PHF20: variants seen among roughly 807,000 people sequenced by gnomAD.
The protein encoded by PHF20 is PHD finger protein 20, also known as glioma-expressed antigen 2.
In PHF20, 23 loss-of-function variants were observed where a neutral mutation model predicts 113.5. The observed-to-expected ratio is 0.20, with a 90% CI of 0.15 to 0.29. The LOEUF (loss-of-function observed/expected upper bound fraction) is 0.29, where lower values mean the gene tolerates loss of function less well. Ranked by LOEUF, PHF20 falls within the 10% of genes least tolerant of loss-of-function variation. The pLI, the probability that PHF20 is intolerant of heterozygous loss-of-function variation, is 1.00. For missense variants in PHF20, 943 were observed against 1,219.6 expected (o/e 0.77, Z 3.38); for synonymous variants, 434 against 457.3 (o/e 0.95, Z 0.65).
In PHF20 at chr20:35,939,031, C is replaced by G. The variant is rs767931825; in HGVS notation, c.2635C>G (p.Leu879Val). The G allele has an allele frequency of 1.2e-6, 2 of 1,614,054 alleles. No individual in the cohort carries two copies. The highest frequency in any genetic ancestry group is 1.7e-6 in the Non-Finnish European group (2 of 1,180,038). Reference protein sequence around the residue: ...NPLHENGDDSLSPRLGWPLDQ... With the variant: ...NPLHENGDDSVSPRLGWPLDQ... The stretch of plus-strand genomic sequence containing the variant: ...CCTCCATGAGAACGGCGATGATTCC[C>G]TTTCCCCGCGCCTGGGCTGGCCTCT... Residue 879 changes from leucine to valine, a missense_variant, in exon 16 of 18, where the codon CTT becomes GTT. Around this residue, in one of 3 missense-constraint regions of PHF20, gnomAD observed 349 missense variants for 412.3 expected, o/e 0.85. Coordinates refer to ENST00000374012, the MANE Select transcript of PHF20 (RefSeq NM_016436.5).
intron 17 of PHF20, among the ~76,000 whole-genome samples, chr20:35,945,639 A>G (rs1313089291): frequency 6.6e-6 from 1 of 152,056 alleles, no homozygotes; most frequent in African/African-American, 2.4e-5. Context: ...TGGTGCATGG[A>G]CTAGAAAGGC....
intron 4 of PHF20, among the ~76,000 whole-genome samples, chr20:35,857,784 C>T (rs1193975799): frequency 1.3e-5 from 2 of 151,894 alleles, no homozygotes; most frequent in Admixed American, 1.3e-4. Flanking sequence ...ACAGGTTTCA[C>T]TATGTTGGCC....
At position 35,814,885 on chromosome 20, in the gene PHF20, A is replaced by T. The variant is rs1193390353; in HGVS notation, c.83+13280A>T. On this transcript the variant is annotated intron_variant, in intron 2 of 17. Transcript: ENST00000374012. ...GAGACTCCGTCTCAAAAAAAAAAAA[A>T]AAAAATAAAATAAATAAATAAATAA... 2.9e-4 allele frequency among the ~76,000 whole-genome samples: 41 copies of T among 142,300 alleles called. 1 individual carries two copies. Among genetic ancestry groups the T allele is most frequent in the South Asian group, 1.3e-3 (6 of 4,710 alleles). 93.4% of individuals were successfully genotyped at this position (142,300 alleles called of 152,430 possible).
At chr20:35,817,288 G>A (rs2042092797) in intron 2 of PHF20, among the ~76,000 whole-genome samples, 1 of 152,024 alleles carries the variant, frequency 6.6e-6, no homozygotes, top group Non-Finnish European at 1.5e-5. Flanking sequence ...CTGGGTTCAA[G>A]AGATTCTCTT....
rs150122625 is a variant in PHF20 at position 35,897,559 on chromosome 20, C to CTT, written c.1283-1789_1283-1788dup. On this transcript the variant is annotated intron_variant, in intron 9 of 17. Coordinates refer to ENST00000374012, the MANE Select transcript of PHF20 (RefSeq NM_016436.5). Reference sequence around the variant, plus strand: ...AACTTATTCCTCCTATTCTGGATCCCTTTTTTTTTTTTTTTTTTTTTTTCT... The same window carrying CTT: ...AACTTATTCCTCCTATTCTGGATCCCTTTTTTTTTTTTTTTTTTTTTTTTTCT... Among the ~76,000 whole-genome samples, 1,020 of 107,678 alleles carry CTT rather than the reference C, an allele frequency of 9.5e-3. 33 individuals carry two copies. Among genetic ancestry groups the CTT allele is most frequent in the African/African-American group, 0.028 (721 of 25,458 alleles). The allele number at this position is 107,678 out of a possible 152,430, so 70.6% of individuals were successfully genotyped here. A position where few individuals can be genotyped will look rare whatever the true frequency, so the allele number is the denominator to read the frequency against.
Position 35,938,716 on chromosome 20 carries a change from C to G in PHF20, c.2320C>G (p.Leu774Val). The G allele has an allele frequency of 6.2e-7, 1 of 1,610,792 alleles. No individual in the cohort carries two copies. Among genetic ancestry groups the G allele is most frequent in the Non-Finnish European group, 8.5e-7 (1 of 1,178,288 alleles). Residue 774 changes from leucine (L) to valine (V), a missense_variant, in exon 16 of 18, where the codon CTG (leucine) becomes GTG (valine). Coordinates refer to ENST00000374012, the MANE Select transcript of PHF20 (RefSeq NM_016436.5). ...CAACAGAAGCCGGGAGCATCCTGAT[C>G]TGCCGCTGTGGTGCCAGCCTTGGAA... The part of the protein sequence containing the change: ...SILQSREHPD[L>V]PLWCQPWKQH...
At position 35,941,052 on chromosome 20, in the gene PHF20, G is replaced by A. The variant is rs1271302909; in HGVS notation, c.2896+5G>A. ...CCATTGAGAAGGAGTTGGATGGTAG[G>A]GCTCCTTCATTGGCCCCCTGTGCAT... On this transcript the variant is annotated splice_donor_5th_base_variant and intron_variant, in intron 17 of 17. Coordinates refer to ENST00000374012, the MANE Select transcript of PHF20 (RefSeq NM_016436.5). The A allele has an allele frequency of 1.9e-6, 3 of 1,609,606 alleles. No homozygotes were observed. The East Asian group carries it at 6.7e-5, about 36-fold the overall frequency.
In PHF20 at chr20:35,940,906, C is replaced by A. The variant is rs764611258; in HGVS notation, c.2755C>A (p.Pro919Thr). 1 of 1,614,078 alleles carries A rather than the reference C, an allele frequency of 6.2e-7. No individual in the cohort carries two copies. The highest frequency in any genetic ancestry group is 1.1e-5 in the South Asian group (1 of 91,086). ...VSKKALPEEA[P>T]ARKLLDRGGE... ...CAAAAAGGCCCTACCAGAAGAAGCC[C>A]CTGCTCGGAAGCTGCTGGACAGAGG... Residue 919 changes from proline to threonine, a missense_variant, in exon 17 of 18, where the codon CCT (proline) becomes ACT (threonine). Coordinates refer to ENST00000374012, the MANE Select transcript of PHF20 (RefSeq NM_016436.5).
intron 13 of PHF20, among the ~76,000 whole-genome samples, chr20:35,923,072 A>G (rs2056014953): frequency 6.6e-6 from 1 of 152,218 alleles, no homozygotes; most frequent in African/African-American, 2.4e-5. Flanking sequence ...ATGAGATTGT[A>G]CCACTGCACT....
At chr20:35,850,927 A>C in intron 4 of PHF20, 1 of 612,132 alleles carries the variant, frequency 1.6e-6, no homozygotes, top group South Asian at 1.6e-5. Context: ...GTGAAGGTGA[A>C]GATAGAACTG....
intron 1 of PHF20, among the ~76,000 whole-genome samples, chr20:35,793,973 C>G (rs542206663): frequency 8.6e-6 from 1 of 115,666 alleles, no homozygotes; most frequent in African/African-American, 3.5e-5. Context: ...CTGGGCTGGG[C>G]GACAAGAGCG....
At chr20:35,805,354 T>TTATTA (rs776924388) in intron 2 of PHF20, among the ~76,000 whole-genome samples, 99 of 125,192 alleles carry the variant, frequency 7.9e-4, no homozygotes, top group African/African-American at 2.2e-3. Context: ...CGCCTGATTT[T>TTATTA]TTATTATTAT....
At chr20:35,854,061 A>T (rs1568656122) in intron 4 of PHF20, among the ~76,000 whole-genome samples, 1 of 151,936 alleles carries the variant, frequency 6.6e-6, no homozygotes, top group African/African-American at 2.4e-5. Flanking sequence ...GCCGATGAAG[A>T]CCCTGTTTCT....
At chr20:35,923,663 A>G (rs1455082434) in intron 13 of PHF20, among the ~76,000 whole-genome samples, 1 of 152,212 alleles carries the variant, frequency 6.6e-6, no homozygotes, top group Non-Finnish European at 1.5e-5. Flanking sequence ...GAAACATTCT[A>G]TGGCTAAACA....
At chr20:35,937,972 C>T (rs530979114) in intron 15 of PHF20, among the ~76,000 whole-genome samples, 22 of 151,962 alleles carry the variant, frequency 1.4e-4, no homozygotes, top group Admixed American at 5.9e-4. Context: ...CCTGGGTTCA[C>T]GGCATTCTCC....
chr20:35,870,303 CAAAAAAAAAAA>C (rs1174014648), intron 7 of PHF20, among the ~76,000 whole-genome samples: 61 of 53,218 alleles, frequency 1.1e-3, no homozygotes, highest in Admixed American at 2.1e-3. Flanking sequence ...GACTCCGTCT[CAAAAAAAAAAA>C]AAAAAAAAAA....
At chr20:35,789,546 T>C (rs1212334973) in intron 1 of PHF20, among the ~76,000 whole-genome samples, 2 of 151,986 alleles carry the variant, frequency 1.3e-5, no homozygotes, top group East Asian at 3.9e-4. Context: ...CCCTTTTTTC[T>C]TTTTCTTTTT....
At chr20:35,824,748 G>A (rs372868847) in intron 2 of PHF20, among the ~76,000 whole-genome samples, 6 of 152,148 alleles carry the variant, frequency 3.9e-5, no homozygotes, top group African/African-American at 1.4e-4. Flanking sequence ...ATACACATTA[G>A]CAGTCAGACC....
At chr20:35,890,222 G>A (rs1229684643) in intron 9 of PHF20, among the ~76,000 whole-genome samples, 1 of 151,134 alleles carries the variant, frequency 6.6e-6, no homozygotes. Flanking sequence ...AGAGATGGGG[G>A]TCTCACTATG....
Sources: gnomAD v4.1 joint callset for allele counts (sites outside exome capture counted in the v4.1 genomes callset) on GRCh38, gnomAD v4.1.1 for gene constraint, gnomAD v4.1.1 regional missense constraint, MANE v1.5 for transcripts, NCBI Gene and HGNC (gene_info 2026-07-23, HGNC 2026-07-21) for gene names.